PLCL1: variants seen among roughly 807,000 people sequenced by gnomAD.
PLCL1 encodes phospholipase C like 1 (inactive).
A neutral mutation model predicts 84.4 loss-of-function variants in PLCL1; 41 were observed. That is an observed-to-expected ratio of 0.49 (90% CI 0.38 to 0.63). The LOEUF (loss-of-function observed/expected upper bound fraction) is 0.63, where lower values mean the gene tolerates loss of function less well. Among genes scored for constraint, PLCL1 ranks in the 30% least tolerant of loss-of-function variants. The pLI is 0.00. For missense variants in PLCL1, 1,206 were observed against 1,367.8 expected, an observed-to-expected ratio of 0.88 and a Z score of 1.87; for synonymous variants, 490 against 488.3, an observed-to-expected ratio of 1.00 and a Z score of -0.05.
chr2:197,845,352 T>C (rs975750657), intron 1 of PLCL1, among the ~76,000 whole-genome samples: 5 of 152,084 alleles, frequency 3.3e-5, no homozygotes, highest in African/African-American at 1.2e-4. Context: ...TTCTCTTAAG[T>C]AGACTAGGAA....
chr2:197,877,615 G>GT (rs1486306966), intron 1 of PLCL1, among the ~76,000 whole-genome samples: 1 of 152,050 alleles, frequency 6.6e-6, no homozygotes, highest in Non-Finnish European at 1.5e-5. Context: ...TAGCCAATTA[G>GT]TAGCCTAATG....
chr2:197,912,120 G>A (rs1688494667), intron 1 of PLCL1, among the ~76,000 whole-genome samples: 1 of 152,136 alleles, frequency 6.6e-6, no homozygotes, highest in Non-Finnish European at 1.5e-5. Flanking sequence ...TGGGAAGAAG[G>A]TGCTGTCTGG....
At chr2:197,820,328 A>G (rs1447677947) in intron 1 of PLCL1, among the ~76,000 whole-genome samples, 1 of 152,056 alleles carries the variant, frequency 6.6e-6, no homozygotes, top group Non-Finnish European at 1.5e-5. Flanking sequence ...GCACAGATTT[A>G]TTATCTTATA....
At chr2:197,876,838 G>A (rs963665704) in intron 1 of PLCL1, among the ~76,000 whole-genome samples, 6 of 152,110 alleles carry the variant, frequency 3.9e-5, no homozygotes, top group South Asian at 2.1e-4. Flanking sequence ...GCTGCATACA[G>A]CCTGTTGGTG....
chr2:198,083,912 A>G lies in PLCL1; in HGVS notation c.395A>G (p.Asn132Ser). The G allele has an allele frequency of 1.2e-6, 2 of 1,614,112 alleles. No homozygotes were observed. The highest frequency in any genetic ancestry group is 2.2e-5 in the East Asian group (1 of 44,886). Reference sequence around the variant, plus strand: ...GTCCGGCCAAATTCTCGCATTTACAACCGTTTTTTCACTCTGGACACAGAC... The same window carrying G: ...GTCCGGCCAAATTCTCGCATTTACAGCCGTTTTTTCACTCTGGACACAGAC... ...KKVRPNSRIY[N>S]RFFTLDTDLQ... is the part of the protein sequence containing the mutation. Residue 132 changes from asparagine to serine, a missense_variant, in exon 2 of 6, where the codon AAC becomes AGC. Asn to Ser is a conservative substitution (Grantham distance 46, BLOSUM62 1). Transcript: ENST00000428675.
At position 197,835,677 on chromosome 2, in the gene PLCL1, C is replaced by T. The variant is rs576561722; in HGVS notation, c.240+30338C>T. 7.4e-4 allele frequency among the ~76,000 whole-genome samples: 112 copies of T among 152,260 alleles called. 1 individual carries two copies. Among genetic ancestry groups the T allele is most frequent in the African/African-American group, 2.6e-3 (109 of 41,552 alleles). ...TGATTTCTCTGAGACTCTGTTTCTTCGCCTCTAAAATGGGACTAGCAATTT... is the reference window on the plus strand; with the variant it reads ...TGATTTCTCTGAGACTCTGTTTCTTTGCCTCTAAAATGGGACTAGCAATTT... On this transcript the variant is annotated intron_variant, in intron 1 of 5. Transcript: ENST00000428675.
chr2:197,919,001 A>G (rs1422935706), intron 1 of PLCL1, among the ~76,000 whole-genome samples: 2 of 152,020 alleles, frequency 1.3e-5, no homozygotes, highest in Non-Finnish European at 2.9e-5. Context: ...ACAAAGTAAA[A>G]TAATGACTCA....
chr2:197,955,014 C>T (rs536743097), intron 1 of PLCL1, among the ~76,000 whole-genome samples: 32 of 152,124 alleles, frequency 2.1e-4, no homozygotes, highest in African/African-American at 7.2e-4. Flanking sequence ...ATTTTCTAGG[C>T]GGTGTATATA....
chr2:197,826,192 A>G (rs1354366719), intron 1 of PLCL1, among the ~76,000 whole-genome samples: 1 of 152,142 alleles, frequency 6.6e-6, no homozygotes, highest in African/African-American at 2.4e-5. Context: ...CAGACTACCC[A>G]TCTGCTATCT....
chr2:198,069,324 C>G (rs1430321503), intron 1 of PLCL1, among the ~76,000 whole-genome samples: 5 of 151,954 alleles, frequency 3.3e-5, no homozygotes, highest in Non-Finnish European at 1.5e-5. Flanking sequence ...GAACCTGTCT[C>G]TACAGAGATA....
chr2:198,044,585 C>G (rs1318787109), intron 1 of PLCL1, among the ~76,000 whole-genome samples: 1 of 152,022 alleles, frequency 6.6e-6, no homozygotes, highest in African/African-American at 2.4e-5. Flanking sequence ...ACACATAAAC[C>G]AAAACCATAG....
At chr2:197,896,599 T>A (rs1688136010) in intron 1 of PLCL1, among the ~76,000 whole-genome samples, 1 of 152,098 alleles carries the variant, frequency 6.6e-6, no homozygotes, top group Non-Finnish European at 1.5e-5. Context: ...GTGTAAAATG[T>A]GAGAATGGTG....
intron 1 of PLCL1, among the ~76,000 whole-genome samples, chr2:197,842,451 T>A (rs1265295242): frequency 6.6e-6 from 1 of 152,146 alleles, no homozygotes; most frequent in Non-Finnish European, 1.5e-5. Context: ...ATTCACGATC[T>A]TATTCCTCAA....
At chr2:197,850,735 C>T (rs973114329) in intron 1 of PLCL1, among the ~76,000 whole-genome samples, 5 of 152,058 alleles carry the variant, frequency 3.3e-5, no homozygotes, top group African/African-American at 4.8e-5. Context: ...TGGGGACCTA[C>T]GGGAATCCCT....
intron 1 of PLCL1, among the ~76,000 whole-genome samples, chr2:197,905,773 G>A (rs1015098096): frequency 3.9e-5 from 6 of 152,198 alleles, no homozygotes; most frequent in African/African-American, 1.4e-4. Flanking sequence ...TAACTGGCGT[G>A]AGATGGTATC....
Position 198,084,466 on chromosome 2 carries a change from T to C in PLCL1, c.949T>C (p.Tyr317His). 6.2e-7 allele frequency: 1 copy of C among 1,613,950 alleles called. No homozygotes were observed. Among genetic ancestry groups the C allele is most frequent in the Non-Finnish European group, 8.5e-7 (1 of 1,179,834 alleles). ...FCELCTRPEV[Y>H]FLLVQISKNK... ...TGAACTTTGCACCAGGCCAGAAGTGTATTTCTTACTTGTACAGATATCTAA... is the reference window on the plus strand; with the variant it reads ...TGAACTTTGCACCAGGCCAGAAGTGCATTTCTTACTTGTACAGATATCTAA... Residue 317 changes from tyrosine to histidine, a missense_variant, in exon 2 of 6, where the codon TAT becomes CAT. Transcript: ENST00000428675.
Position 198,071,583 on chromosome 2 carries a change from T to C in PLCL1, c.241-12175T>C, listed in dbSNP as rs1045413085. On this transcript the variant is annotated intron_variant, in intron 1 of 5. Transcript: ENST00000428675. ...TACATAATGTATAATTATTTGGGCA[T>C]CTTTTTATATATTCTCTAAACAGTT... Among the ~76,000 whole-genome samples the C allele has an allele frequency of 2.6e-5, 4 of 151,886 alleles. No individual in the cohort carries two copies. In the South Asian group the frequency reaches 8.3e-4, roughly 31 times the overall value.
chr2:197,931,359 T>C (rs1198630062), intron 1 of PLCL1, among the ~76,000 whole-genome samples: 1 of 152,182 alleles, frequency 6.6e-6, no homozygotes, highest in African/African-American at 2.4e-5. Flanking sequence ...TTTGTTTTTT[T>C]CTTTAAAGGA....
Position 197,923,461 on chromosome 2 carries a change from G to C in PLCL1, c.240+118122G>C, listed in dbSNP as rs1259333628. Among the ~76,000 whole-genome samples the C allele has an allele frequency of 2.1e-5, 3 of 145,150 alleles. No individual in the cohort carries two copies. In the East Asian group the frequency reaches 6.5e-4, roughly 32 times the overall value. On this transcript the variant is annotated intron_variant, in intron 1 of 5. Coordinates refer to ENST00000428675, the MANE Select transcript of PLCL1 (RefSeq NM_006226.4). ...TCAGACGGGGCGGCCGGGCAGAGAC[G>C]CTCCTCACCTCCCAGACGGGGTCTC...
Sources: allele counts gnomAD v4.1 joint callset (sites outside exome capture counted in the v4.1 genomes callset), GRCh38; gene constraint gnomAD v4.1.1; transcripts MANE v1.5; gene names NCBI Gene and HGNC (gene_info 2026-07-23, HGNC 2026-07-21).